Variants in PCNX4 observed in about 807,000 individuals in gnomAD.
PCNX4 encodes the protein pecanex 4, also known as pecanex-like protein 4.
A neutral mutation model predicts 107.2 loss-of-function variants in PCNX4; 103 were observed. That is an observed-to-expected ratio of 0.96 (90% CI 0.82 to 1.13). The LOEUF (loss-of-function observed/expected upper bound fraction) is 1.13. PCNX4 is among the 50% of genes most tolerant of loss of function. The pLI is 0.00. For missense variants in PCNX4, 1,528 were observed against 1,379.4 expected, an observed-to-expected ratio of 1.11 and a Z score of -1.71; for synonymous variants, 541 against 481.7, an observed-to-expected ratio of 1.12 and a Z score of -1.61.
At position 60,139,120 on chromosome 14, in the gene PCNX4, A is replaced by G. The variant is rs969338168; in HGVS notation, c.*4899A>G. 3 of 152,134 alleles carry G rather than the reference A, an allele frequency of 2.0e-5. No individual in the cohort carries two copies. The highest frequency in any genetic ancestry group is 7.2e-5 in the African/African-American group (3 of 41,476). The allele number at this position is 152,134 out of a possible 1,614,324, so 9.4% of individuals were successfully genotyped here. A position where few individuals can be genotyped will look rare whatever the true frequency, so the allele number is the denominator to read the frequency against. ...TCAAACAGTAGATTAGGAGGTTTAA[A>G]TATCAGTTACAACATTCATATGAAT... On this transcript the variant is annotated 3_prime_UTR_variant, in exon 11 of 11. Coordinates refer to ENST00000406854, the MANE Select transcript of PCNX4 (RefSeq NM_001330177.2).
At chr14:60,117,737 TATC>T (rs1895878176) in intron 6 of PCNX4, among the ~76,000 whole-genome samples, 1 of 152,228 alleles carries the variant, frequency 6.6e-6, no homozygotes, top group Non-Finnish European at 1.5e-5. Context: ...TTCCTTGTGA[TATC>T]ATTGCCTGGT....
At position 60,107,724 on chromosome 14, in the gene PCNX4, G is replaced by T. The variant is rs762027944; in HGVS notation, c.86G>T (p.Arg29Leu). ...CCACAGACTGTTCTTGGAGGCCCTC[G>T]ATTCAAATTAGGCTATTGTGCCCCT... ...RFPQTVLGGPRFKLGYCAPPY... is the reference protein window; with the variant it reads ...RFPQTVLGGPLFKLGYCAPPY... The change falls in exon 2 of 11, where the codon CGA becomes CTA. Residue 29 changes from arginine (R) to leucine (L), a missense_variant. Transcript: ENST00000406854. 1 of 1,612,676 alleles carries T rather than the reference G, an allele frequency of 6.2e-7. No individual in the cohort carries two copies. Among genetic ancestry groups the T allele is most frequent in the Non-Finnish European group, 8.5e-7 (1 of 1,179,774 alleles).
At chr14:60,097,694 C>A (rs2140528309) in intron 1 of PCNX4, among the ~76,000 whole-genome samples, 1 of 152,358 alleles carries the variant, frequency 6.6e-6, no homozygotes, top group South Asian at 2.1e-4. Flanking sequence ...CAGACAGATT[C>A]TTGGTTTGGG....
At chr14:60,122,489 C>T (rs540775142) in intron 8 of PCNX4, among the ~76,000 whole-genome samples, 1 of 152,170 alleles carries the variant, frequency 6.6e-6, no homozygotes, top group East Asian at 1.9e-4. Flanking sequence ...TCACCACTTT[C>T]AGGTCTTTGC....
At chr14:60,117,459 C>T (rs1246626727) in intron 6 of PCNX4, among the ~76,000 whole-genome samples, 3 of 152,148 alleles carry the variant, frequency 2.0e-5, no homozygotes, top group African/African-American at 7.2e-5. Context: ...GGCTATACCA[C>T]CTAGGTTTGT....
chr14:60,118,188 A>G (rs1320428805), intron 6 of PCNX4, 141 bp from the exon 7 acceptor site: 2 of 1,274,064 alleles, frequency 1.6e-6, no homozygotes, highest in Non-Finnish European at 1.0e-6. Flanking sequence ...GAAAATTAAC[A>G]AAAAAATCAA....
Position 60,134,377 on chromosome 14 carries a change from T to A in PCNX4, c.*156T>A. The A allele has an allele frequency of 1.1e-6, 1 of 893,148 alleles. No homozygotes were observed. The highest frequency in any genetic ancestry group is 1.8e-5 in the South Asian group (1 of 54,404). The allele number at this position is 893,148 out of a possible 1,614,324, so 55.3% of individuals were successfully genotyped here. ...GTAAAGTTGGTTCTCTTAGCCATCT[T>A]AATGGTTCTAAAAAACAGCAAAAAC... is the stretch of plus-strand genomic sequence containing the variant. On this transcript the variant is annotated 3_prime_UTR_variant, in exon 11 of 11. Transcript: ENST00000406854.
At chr14:60,104,712 C>T (rs1398933226) in intron 1 of PCNX4, among the ~76,000 whole-genome samples, 1 of 152,068 alleles carries the variant, frequency 6.6e-6, no homozygotes, top group Non-Finnish European at 1.5e-5. Flanking sequence ...CCTTATAAAA[C>T]CATCAGGTCT....
Position 60,113,015 on chromosome 14 carries a change from C to G in PCNX4, c.690-1685C>G, listed in dbSNP as rs566501119. Among the ~76,000 whole-genome samples, 52 of 152,264 alleles carry G rather than the reference C, an allele frequency of 3.4e-4. 1 individual carries two copies. Among genetic ancestry groups the G allele is most frequent in the Middle Eastern group, 3.4e-3 (1 of 294 alleles). On this transcript the variant is annotated intron_variant, in intron 2 of 10. Coordinates refer to ENST00000406854, the MANE Select transcript of PCNX4 (RefSeq NM_001330177.2). Reference sequence around the variant, plus strand: ...TGGCCAACATGGTGAAACCCTGTCTCTACTAAAAATACAAAAATTAGCTGG... The same window carrying G: ...TGGCCAACATGGTGAAACCCTGTCTGTACTAAAAATACAAAAATTAGCTGG...
intron 6 of PCNX4, 124 bp from the exon 7 acceptor site, chr14:60,118,205 A>G (rs953695141): frequency 3.9e-6 from 5 of 1,296,264 alleles, no homozygotes; most frequent in Non-Finnish European, 4.0e-6. Flanking sequence ...TCAAAGAATA[A>G]GATTTATTTC....
In PCNX4 at chr14:60,118,359, T is replaced by C; in HGVS notation, c.1609T>C (p.Phe537Leu). 6.2e-7 allele frequency: 1 copy of C among 1,612,658 alleles called. No homozygotes were observed. Among genetic ancestry groups the C allele is most frequent in the South Asian group, 1.1e-5 (1 of 90,942 alleles). ...VGIIRDRLIQ[F>L]ISKLQFAVTV... is the part of the protein sequence containing the mutation. ...TATCATACGTGATCGTTTGATTCAG[T>C]TCATCTCTAAATTGCAGTTTGCCGT... The change falls in exon 7 of 11, where the codon TTC (phenylalanine) becomes CTC (leucine). Residue 537 changes from phenylalanine (F) to leucine (L), a missense_variant. By Grantham distance (22) the Phe-to-Leu change is conservative (BLOSUM62 0). Coordinates refer to ENST00000406854, the MANE Select transcript of PCNX4 (RefSeq NM_001330177.2).
chr14:60,098,687 C>G (rs755819182), intron 1 of PCNX4, among the ~76,000 whole-genome samples: 1 of 151,970 alleles, frequency 6.6e-6, no homozygotes, highest in Non-Finnish European at 1.5e-5. Context: ...ACCTGTAATC[C>G]CAGCACTTTG....
chr14:60,146,993 G>A lies in PCNX4; in HGVS notation c.*12772G>A, dbSNP rs1896422172. 1 of 152,278 alleles carries A rather than the reference G, an allele frequency of 6.6e-6. No homozygotes were observed. The highest frequency in any genetic ancestry group is 2.1e-4 in the South Asian group (1 of 4,826). 9.4% of individuals were successfully genotyped at this position (152,278 alleles called of 1,614,324 possible). On this transcript the variant is annotated 3_prime_UTR_variant, in exon 11 of 11. Coordinates refer to ENST00000406854, the MANE Select transcript of PCNX4 (RefSeq NM_001330177.2). The surrounding 1 kb of genome is among the most constrained non-coding windows in gnomAD (Gnocchi z 4.9). ...CACACCTATGATCCCAACACTTTGG[G>A]AGGCCAAGGTAGGTGGATCGCCTGA...
intron 1 of PCNX4, among the ~76,000 whole-genome samples, chr14:60,094,253 A>T (rs1287858811): frequency 1.3e-5 from 2 of 152,154 alleles, no homozygotes; most frequent in Non-Finnish European, 1.5e-5. Context: ...CTTAGCCATC[A>T]AAAGCGTCCC....
intron 2 of PCNX4, among the ~76,000 whole-genome samples, chr14:60,113,304 T>A (rs1015662775): frequency 6.6e-6 from 1 of 152,234 alleles, no homozygotes; most frequent in Non-Finnish European, 1.5e-5. Context: ...TGCTATACAT[T>A]TGCTTTGGGG....
chr14:60,103,494 TC>T (rs1895572078), intron 1 of PCNX4, among the ~76,000 whole-genome samples: 1 of 152,216 alleles, frequency 6.6e-6, no homozygotes, highest in Admixed American at 6.5e-5. Context: ...GGATATATGA[TC>T]CTGTATCTTT....
chr14:60,106,255 T>C (rs776278882), intron 1 of PCNX4, among the ~76,000 whole-genome samples: 5 of 152,308 alleles, frequency 3.3e-5, no homozygotes, highest in Admixed American at 1.3e-4. Context: ...GTCTCTGATA[T>C]AAAATGGTAT....
Position 60,114,844 on chromosome 14 carries a change from C to G in PCNX4, c.834C>G (p.Phe278Leu), listed in dbSNP as rs1238261832. Residue 278 changes from phenylalanine (F) to leucine (L), a missense_variant, in exon 3 of 11, where the codon TTC (phenylalanine) becomes TTG (leucine). By Grantham distance (22) the Phe-to-Leu change is conservative. Coordinates refer to ENST00000406854, the MANE Select transcript of PCNX4 (RefSeq NM_001330177.2). ...LLWAMEQVLEFGLGGSSMSTH... is the reference protein window; with the variant it reads ...LLWAMEQVLELGLGGSSMSTH... ...GGGCAATGGAGCAGGTTTTAGAGTTCGGCCTTGGAGGCTCATCTATGTCAA... is the reference window on the plus strand; with the variant it reads ...GGGCAATGGAGCAGGTTTTAGAGTTGGGCCTTGGAGGCTCATCTATGTCAA... 1 of 1,613,382 alleles carries G rather than the reference C, an allele frequency of 6.2e-7. No individual in the cohort carries two copies. The highest frequency in any genetic ancestry group is 8.5e-7 in the Non-Finnish European group (1 of 1,179,610).
At chr14:60,123,245 C>G (rs1317575963) in intron 8 of PCNX4, among the ~76,000 whole-genome samples, 1 of 152,096 alleles carries the variant, frequency 6.6e-6, no homozygotes, top group Admixed American at 6.6e-5. Flanking sequence ...TGGTGTTACT[C>G]TTTTTTTCTG....
Sources: gnomAD v4.1 joint callset for allele counts (sites outside exome capture counted in the v4.1 genomes callset) on GRCh38, gnomAD v4.1.1 for gene constraint, Gnocchi (gnomAD v3.1) non-coding constraint, MANE v1.5 for transcripts, NCBI Gene and HGNC (gene_info 2026-07-23, HGNC 2026-07-21) for gene names.